Variants in ADAMTS7 observed in about 807,000 individuals in gnomAD.
ADAMTS7 encodes the protein ADAM metallopeptidase with thrombospondin type 1 motif 7.
In ADAMTS7, 89 loss-of-function variants were observed where a neutral mutation model predicts 172.6. That is an observed-to-expected ratio of 0.52 (90% confidence interval 0.43 to 0.61). The LOEUF (loss-of-function observed/expected upper bound fraction) is 0.61, where lower values mean the gene tolerates loss of function less well. Ranked by LOEUF, ADAMTS7 falls within the 20% of genes least tolerant of loss-of-function variation. ADAMTS7 has a pLI of 0.00. For synonymous variants in ADAMTS7, 885 were observed against 978.4 expected, an observed-to-expected ratio of 0.90 and a Z score of 1.78; for missense variants, 1,973 against 2,355.6, an observed-to-expected ratio of 0.84 and a Z score of 3.36.
At chr15:78,768,685 C>T (rs963799876) in intron 16 of ADAMTS7, among the ~76,000 whole-genome samples, 2 of 152,362 alleles carry the variant, frequency 1.3e-5, no homozygotes, top group East Asian at 1.9e-4. Flanking sequence ...GTGCCCGGCA[C>T]ATCCTAAGAG....
In ADAMTS7 at chr15:78,771,396, A is replaced by G. The variant is rs1249091862; in HGVS notation, c.2377-93T>C. 6.3e-7 allele frequency: 1 copy of G among 1,590,564 alleles called. No individual in the cohort carries two copies. Among genetic ancestry groups the G allele is most frequent in the Admixed American group, 1.7e-5 (1 of 57,834 alleles). On this transcript the variant is annotated intron_variant, in intron 15 of 23. Coordinates refer to ENST00000388820, the MANE Select transcript of ADAMTS7 (RefSeq NM_014272.5). The surrounding 1 kb of genome is among the most constrained non-coding windows in gnomAD (Gnocchi z 4.9). Reference sequence around the variant, plus strand: ...GACCCCAGCCACCTCTGTGAACTGCAGCTACAAGATTGGGCCATTTTAAAG... The same window carrying G: ...GACCCCAGCCACCTCTGTGAACTGCGGCTACAAGATTGGGCCATTTTAAAG...
intron 14 of ADAMTS7, among the ~76,000 whole-genome samples, chr15:78,772,074 G>A (rs1310354355): frequency 6.6e-6 from 1 of 152,176 alleles, no homozygotes; most frequent in Non-Finnish European, 1.5e-5. Context: ...CTCATCATAA[G>A]GCTGGATCCA....
At chr15:78,763,538 C>A (rs1254378386) in intron 22 of ADAMTS7, among the ~76,000 whole-genome samples, 161 bp downstream of exon 22, 1 of 152,258 alleles carries the variant, frequency 6.6e-6, no homozygotes, top group Admixed American at 6.5e-5. Flanking sequence ...GTCTGTTTCT[C>A]CCTGGCAGGT....
chr15:78,777,383 C>G (rs1238038735), intron 9 of ADAMTS7, 61 bp downstream of exon 9: 2 of 1,561,190 alleles, frequency 1.3e-6, no homozygotes, highest in Admixed American at 3.6e-5. Context: ...CTGGTGAGAG[C>G]TGCCCCCTGA....
intron 8 of ADAMTS7, among the ~76,000 whole-genome samples, chr15:78,781,574 C>A (rs1692000422): frequency 2.0e-5 from 3 of 152,186 alleles, no homozygotes; most frequent in African/African-American, 7.2e-5. Flanking sequence ...AGGCCCCGAG[C>A]CAAGTCCCTC....
chr15:78,759,763 T>C (rs1361437460), intron 23 of ADAMTS7, among the ~76,000 whole-genome samples, 185 bp from the exon 24 acceptor site: 1 of 152,152 alleles, frequency 6.6e-6, no homozygotes, highest in Non-Finnish European at 1.5e-5. Context: ...TCCCACCTAC[T>C]CATGGCCAAC....
At chr15:78,798,337 G>A (rs565933654) in intron 2 of ADAMTS7, among the ~76,000 whole-genome samples, 6 of 152,280 alleles carry the variant, frequency 3.9e-5, no homozygotes, top group Admixed American at 1.3e-4. Context: ...CCTTCAAAGC[G>A]GAGCTCAGAA....
In ADAMTS7 at chr15:78,771,572, G is replaced by A. The variant is rs748281216; in HGVS notation, c.2376+13C>T. 9.4e-6 allele frequency: 15 copies of A among 1,590,300 alleles called. No individual in the cohort carries two copies. The highest frequency in any genetic ancestry group is 4.5e-5 in the East Asian group (2 of 44,236). On this transcript the variant is annotated intron_variant, in intron 15 of 23. Transcript: ENST00000388820. The surrounding 1 kb of genome is among the most constrained non-coding windows in gnomAD (Gnocchi z 4.9). ...CCTCTGCTCCCCCCGCCTGGGCCAC[G>A]GGAGGCAGGCACCTGGATCCAGACA... is the stretch of plus-strand genomic sequence containing the variant.
intron 8 of ADAMTS7, among the ~76,000 whole-genome samples, chr15:78,785,374 C>T (rs2055487416): frequency 6.6e-6 from 1 of 151,706 alleles, no homozygotes; most frequent in African/African-American, 2.4e-5. Context: ...ACATGGAAAC[C>T]CCATCTCTAC....
At chr15:78,772,128 C>G (rs1041292890) in intron 14 of ADAMTS7, among the ~76,000 whole-genome samples, 2 of 152,166 alleles carry the variant, frequency 1.3e-5, no homozygotes, top group Non-Finnish European at 2.9e-5. Context: ...TCTAAAAAAA[C>G]CAAAGTGCCC....
At chr15:78,782,779 CAGG>C (rs1378711818) in intron 8 of ADAMTS7, among the ~76,000 whole-genome samples, 3 of 151,918 alleles carry the variant, frequency 2.0e-5, no homozygotes, top group African/African-American at 7.3e-5. Context: ...GCCTTAGTGC[CAGG>C]AGGGCTGAAG....
intron 23 of ADAMTS7, among the ~76,000 whole-genome samples, 188 bp from the exon 24 acceptor site, chr15:78,759,766 TG>T (rs2055012289): frequency 6.6e-6 from 1 of 152,140 alleles, no homozygotes; most frequent in Non-Finnish European, 1.5e-5. Context: ...CACCTACTCA[TG>T]GCCAACCCCA....
chr15:78,762,298 G>A, intron 23 of ADAMTS7, 105 bp downstream of exon 23: 1 of 1,260,856 alleles, frequency 7.9e-7, no homozygotes, highest in South Asian at 2.4e-5. Flanking sequence ...GACTACAGAT[G>A]GAACCAGCCA....
At chr15:78,759,660 G>A in intron 23 of ADAMTS7, 82 bp from the exon 24 acceptor site, 1 of 1,408,226 alleles carries the variant, frequency 7.1e-7, no homozygotes, top group Non-Finnish European at 9.3e-7. Context: ...CCACCTTAAG[G>A]AGGCTCCAGC....
chr15:78,811,169 G>GGA lies in ADAMTS7; in HGVS notation c.50_51dup (p.Leu18SerfsTer79). 8.1e-7 allele frequency: 1 copy of GGA among 1,230,118 alleles called. No homozygotes were observed. Among genetic ancestry groups the GGA allele is most frequent in the Admixed American group, 4.2e-5 (1 of 23,666 alleles). The allele number at this position is 1,230,118 out of a possible 1,614,324, so 76.2% of individuals were successfully genotyped here. A position where few individuals can be genotyped will look rare whatever the true frequency, so the allele number is the denominator to read the frequency against. ...GGAGCCAGAGCGCAGAGGAGCAGGA[G>GGA]GAGGGGGCGCAGCAAAGGCGCGGGG... is the stretch of plus-strand genomic sequence containing the variant. On this transcript the variant is annotated frameshift_variant, in exon 1 of 24. Transcript: ENST00000388820. LOFTEE classifies it high-confidence loss of function.
intron 7 of ADAMTS7, 50 bp from the exon 8 acceptor site, chr15:78,788,424 C>A: frequency 6.3e-7 from 1 of 1,598,632 alleles, no homozygotes; most frequent in Non-Finnish European, 8.5e-7. Flanking sequence ...GGGAGGCTGC[C>A]AGCCTGCCCT....
rs1041967239 is a variant in ADAMTS7 at position 78,775,486 on chromosome 15, C to T, written c.1707-693G>A. 1.6e-4 allele frequency among the ~76,000 whole-genome samples: 25 copies of T among 151,972 alleles called. No individual in the cohort carries two copies. In the South Asian group the frequency reaches 3.8e-3, roughly 23 times the overall value. On this transcript the variant is annotated intron_variant, in intron 11 of 23. Transcript: ENST00000388820. ...GTGGCCTCCTGAAGTGAAGATCAGC[C>T]GGGTAGTGCCTCGGTCTACAGTACC...
chr15:78,767,565 G>A lies in ADAMTS7; in HGVS notation c.2673C>T (p.Cys891=). 1 of 1,555,594 alleles carries A rather than the reference G, an allele frequency of 6.4e-7. No homozygotes were observed. The highest frequency in any genetic ancestry group is 8.7e-7 in the Non-Finnish European group (1 of 1,150,644). ...GGCCCCCAGGCCCGCAGGAGCTGGA[G>A]CACAGCTGCCACTCACCTGCCCACC... ...ARWWAGEWQL[C]SSSCGPGGLS... Residue 891 remains cysteine (C), a synonymous_variant, in exon 18 of 24, where the codon TGC becomes TGT. Transcript: ENST00000388820.
chr15:78,806,127 CAA>C (rs1169680816), intron 1 of ADAMTS7, among the ~76,000 whole-genome samples: 46 of 23,236 alleles, frequency 2.0e-3, no homozygotes, highest in African/African-American at 6.5e-3. Flanking sequence ...CACACACACA[CAA>C]AAAAAAAAAA....
Sources: gnomAD v4.1 joint callset for allele counts (sites outside exome capture counted in the v4.1 genomes callset) on GRCh38, gnomAD v4.1.1 for gene constraint, Gnocchi (gnomAD v3.1) non-coding constraint, MANE v1.5 for transcripts, NCBI Gene and HGNC (gene_info 2026-07-23, HGNC 2026-07-21) for gene names.